TDRD9: variants seen among roughly 807,000 people sequenced by gnomAD.
TDRD9 encodes ATP-dependent RNA helicase TDRD9.
Under a neutral mutation model 172.6 loss-of-function variants are expected in TDRD9, and 124 were observed. That is an observed-to-expected ratio of 0.72 (90% CI 0.62 to 0.83). The LOEUF (loss-of-function observed/expected upper bound fraction) is 0.83. Among genes scored for constraint, TDRD9 ranks in the 40% least tolerant of loss-of-function variants. The probability of loss-of-function intolerance (pLI) is 0.00; values close to 1 mark genes in which losing one functional copy is unlikely to be tolerated. For synonymous variants in TDRD9, 619 were observed against 617.1 expected (o/e 1.00, Z -0.05); for missense variants, 1,479 against 1,714.1 (o/e 0.86, Z 2.42).
At chr14:103,941,762 T>C in intron 1 of TDRD9, 1 of 1,252,816 alleles carries the variant, frequency 8.0e-7, no homozygotes, top group East Asian at 2.6e-5. Flanking sequence ...TGAGCAAATA[T>C]TTGTTTCTTT....
Position 104,033,993 on chromosome 14 carries a change from T to C in TDRD9, c.3543T>C (p.Ser1181=). The C allele has an allele frequency of 1.3e-6, 2 of 1,551,584 alleles. No homozygotes were observed. The highest frequency in any genetic ancestry group is 8.7e-7 in the Non-Finnish European group (1 of 1,146,646). Residue 1181 remains serine, a synonymous_variant, in exon 31 of 36, where the codon TCT becomes TCC. Transcript: ENST00000409874. ...GGATTGAGAAGGAGAGCATCAACTC[T>C]GTCATTATCAGTGACGCCCCTGAAG... is the stretch of plus-strand genomic sequence containing the variant. ...CVWIEKESIN[S]VIISDAPEDL...
At chr14:103,954,853 T>C (rs1194289615) in intron 1 of TDRD9, among the ~76,000 whole-genome samples, 1 of 152,182 alleles carries the variant, frequency 6.6e-6, no homozygotes, top group East Asian at 1.9e-4. Flanking sequence ...GGTCTTGAAC[T>C]CCTGACCTCA....
At chr14:103,949,686 T>C (rs1444411122) in intron 1 of TDRD9, among the ~76,000 whole-genome samples, 1 of 152,206 alleles carries the variant, frequency 6.6e-6, no homozygotes, top group Non-Finnish European at 1.5e-5. Context: ...CAATTTATTT[T>C]ATTTTATTTT....
chr14:104,000,502 T>A (rs931852700), intron 13 of TDRD9, among the ~76,000 whole-genome samples: 1 of 151,890 alleles, frequency 6.6e-6, no homozygotes, highest in African/African-American at 2.4e-5. Context: ...TGACTAGAAA[T>A]AGCTGGGTGT....
chr14:104,016,118 G>C (rs759925002), intron 22 of TDRD9, 30 bp downstream of exon 22: 1 of 1,424,110 alleles, frequency 7.0e-7, no homozygotes, highest in South Asian at 1.2e-5. Flanking sequence ...CGTCCTCTCT[G>C]GGGTGTGGTG....
rs771753238 is a variant in TDRD9 at position 104,006,699 on chromosome 14, G to GATGGAT, written c.1936_1941dup (p.Gly646_Tyr647dup). 1.2e-6 allele frequency: 2 copies of GATGGAT among 1,613,892 alleles called. No homozygotes were observed. Among genetic ancestry groups the GATGGAT allele is most frequent in the South Asian group, 2.2e-5 (2 of 91,060 alleles). The stretch of plus-strand genomic sequence containing the variant: ...TGCAATGCCTTTCCGGCAGCATCTC[G>GATGGAT]ATGGATATAGGTACTGAACATTCAT... On this transcript the variant is annotated inframe_insertion, in exon 17 of 36. Coordinates refer to ENST00000409874, the MANE Select transcript of TDRD9 (RefSeq NM_153046.3).
At chr14:104,036,283 A>G (rs1001708910) in intron 32 of TDRD9, among the ~76,000 whole-genome samples, 1 of 152,208 alleles carries the variant, frequency 6.6e-6, no homozygotes, top group African/African-American at 2.4e-5. Flanking sequence ...TTTTAATTAT[A>G]CATGCACTTG....
At chr14:103,939,316 A>T (rs1396830768) in intron 1 of TDRD9, among the ~76,000 whole-genome samples, 1 of 152,120 alleles carries the variant, frequency 6.6e-6, no homozygotes, top group Non-Finnish European at 1.5e-5. Flanking sequence ...TTTAAATGAA[A>T]ATTTTGTTCT....
chr14:104,019,348 T>C (rs934910862), intron 23 of TDRD9, among the ~76,000 whole-genome samples: 1 of 152,030 alleles, frequency 6.6e-6, no homozygotes, highest in East Asian at 1.9e-4. Context: ...CCTGGGACTT[T>C]TTTTTGTTTT....
intron 34 of TDRD9, among the ~76,000 whole-genome samples, chr14:104,045,390 C>CTTTTTTTTT (rs55844445): frequency 7.5e-6 from 1 of 133,906 alleles, no homozygotes; most frequent in Non-Finnish European, 1.6e-5. Flanking sequence ...GTCATTTATC[C>CTTTTTTTTT]TTTTTTTTTT....
chr14:103,987,193 TTAC>T (rs777951253), intron 8 of TDRD9, among the ~76,000 whole-genome samples: 1 of 152,070 alleles, frequency 6.6e-6, no homozygotes. Context: ...AGCACTAATT[TTAC>T]TACATCTGTC....
chr14:104,031,164 T>C lies in TDRD9; in HGVS notation c.3339T>C (p.Asp1113=), dbSNP rs1215530701. The C allele has an allele frequency of 1.9e-6, 3 of 1,551,584 alleles. No individual in the cohort carries two copies. The highest frequency in any genetic ancestry group is 2.7e-5 in the African/African-American group (2 of 73,066). The stretch of plus-strand genomic sequence containing the variant: ...CCAAGTCAGTAGAAAACATGACAGA[T>C]GGCTCTGTGCCCTTTCCCATGAAAG... ...LFSKSVENMT[D]GSVPFPMKDD... The change falls in exon 29 of 36, where the codon GAT becomes GAC. Residue 1113 remains aspartate (D), a synonymous_variant. Transcript: ENST00000409874.
At chr14:103,987,121 T>TACACACACAC (rs960121501) in intron 8 of TDRD9, among the ~76,000 whole-genome samples, 1 of 126,356 alleles carries the variant, frequency 7.9e-6, no homozygotes, top group East Asian at 2.3e-4. Context: ...TCAAAAAATA[T>TACACACACAC]ATACACACAC....
At chr14:103,967,861 A>C (rs990163248) in intron 5 of TDRD9, among the ~76,000 whole-genome samples, 1 of 152,226 alleles carries the variant, frequency 6.6e-6, no homozygotes, top group Non-Finnish European at 1.5e-5. Context: ...TAATATGCCA[A>C]AAGATGGCAT....
rs1462185350 is a variant in TDRD9, at chr14:104,034,061, A to G, written c.3611A>G (p.Asn1204Ser). 4 of 1,546,826 alleles carry G rather than the reference A, an allele frequency of 2.6e-6. No homozygotes were observed. Among genetic ancestry groups the G allele is most frequent in the South Asian group, 1.2e-5 (1 of 83,966 alleles). ...CTGGTTGCAGCTTCCCTTTCCATCAATGCGACTGGTAATTTAAAGATCCTG... is the reference window on the plus strand; with the variant it reads ...CTGGTTGCAGCTTCCCTTTCCATCAGTGCGACTGGTAATTTAAAGATCCTG... Reference protein sequence around the residue: ...RMLVAASLSINATGSTMLLRE... With the variant: ...RMLVAASLSISATGSTMLLRE... The change falls in exon 31 of 36, where the codon AAT becomes AGT. Residue 1204 changes from asparagine (N) to serine (S), a missense_variant. Asn to Ser is a conservative substitution (Grantham distance 46). Coordinates refer to ENST00000409874, the MANE Select transcript of TDRD9 (RefSeq NM_153046.3).
chr14:103,967,100 A>G (rs191080117), intron 5 of TDRD9, among the ~76,000 whole-genome samples: 27 of 152,242 alleles, frequency 1.8e-4, no homozygotes, highest in African/African-American at 6.5e-4. Context: ...AAACCTTATC[A>G]GTAATTCTGT....
At chr14:103,934,875 T>A (rs1567195876) in intron 1 of TDRD9, among the ~76,000 whole-genome samples, 1 of 152,248 alleles carries the variant, frequency 6.6e-6, no homozygotes, top group Non-Finnish European at 1.5e-5. Context: ...TGGGTGACAG[T>A]GCCCAGATAT....
intron 15 of TDRD9, 97 bp from the exon 16 acceptor site, chr14:104,006,292 A>G (rs1268193499): frequency 6.1e-6 from 6 of 976,410 alleles, no homozygotes; most frequent in East Asian, 2.4e-5. Flanking sequence ...ATTCACCAAA[A>G]TTAGGTCTTT....
chr14:103,965,870 G>A (rs895426413), intron 4 of TDRD9, among the ~76,000 whole-genome samples: 5 of 151,820 alleles, frequency 3.3e-5, no homozygotes, highest in South Asian at 2.1e-4. Context: ...GCTTGAACCC[G>A]GGAGGCAGAG....
Sources: gnomAD v4.1 joint callset for allele counts (sites outside exome capture counted in the v4.1 genomes callset) on GRCh38, gnomAD v4.1.1 for gene constraint, MANE v1.5 for transcripts, NCBI Gene and HGNC (gene_info 2026-07-23, HGNC 2026-07-21) for gene names.